Variants in MICU1 observed in about 807,000 individuals in gnomAD.
The protein encoded by MICU1 is mitochondrial calcium uptake 1, also known as calcium uptake protein 1, mitochondrial.
In MICU1, 45 loss-of-function variants were observed where a neutral mutation model predicts 56.8. The observed-to-expected ratio is 0.79, with a 90% CI of 0.62 to 1.02. MICU1 has a LOEUF of 1.02. Ranked by LOEUF, MICU1 falls within the 50% of genes least tolerant of loss-of-function variation. MICU1 has a pLI of 0.00. For missense variants in MICU1, 504 were observed against 587.1 expected, an observed-to-expected ratio of 0.86 and a Z score of 1.46; for synonymous variants, 186 against 195.1, an observed-to-expected ratio of 0.95 and a Z score of 0.39.
intron 2 of MICU1, among the ~76,000 whole-genome samples, chr10:72,565,256 T>C (rs958148566): frequency 6.6e-5 from 10 of 151,818 alleles, no homozygotes; most frequent in Admixed American, 6.6e-4. Context: ...CCAACAATGA[T>C]AGACTGGATT....
chr10:72,499,924 A>G (rs2132324117), intron 6 of MICU1, among the ~76,000 whole-genome samples: 1 of 152,296 alleles, frequency 6.6e-6, no homozygotes, highest in Middle Eastern at 3.4e-3. Context: ...AAGATATTAC[A>G]CAACTTCACT....
intron 10 of MICU1, among the ~76,000 whole-genome samples, chr10:72,394,603 G>A (rs1244578059): frequency 1.3e-5 from 2 of 151,568 alleles, no homozygotes; most frequent in African/African-American, 4.8e-5. Flanking sequence ...TCCAGTCTAG[G>A]TGACAAAGAC....
At chr10:72,388,176 C>G (rs1246728298) in intron 10 of MICU1, among the ~76,000 whole-genome samples, 1 of 152,180 alleles carries the variant, frequency 6.6e-6, no homozygotes, top group East Asian at 1.9e-4. Flanking sequence ...GATGTTAGAA[C>G]AGTATCTAAA....
chr10:72,602,547 C>A (rs187557800), intron 1 of MICU1, among the ~76,000 whole-genome samples: 20 of 152,108 alleles, frequency 1.3e-4, no homozygotes, highest in African/African-American at 4.3e-4. Context: ...GGATACAATA[C>A]GCTTTGTCTG....
chr10:72,557,581 C>T lies in MICU1; in HGVS notation c.330+5314G>A, dbSNP rs528545565. Among the ~76,000 whole-genome samples the T allele has an allele frequency of 3.9e-5, 6 of 152,244 alleles. No individual in the cohort carries two copies. The East Asian group carries it at 1.2e-3, about 29-fold the overall frequency. On this transcript the variant is annotated intron_variant, in intron 3 of 11. Transcript: ENST00000361114. Reference sequence around the variant, plus strand: ...CAGAAGACATAATGTTAAAAGAATGCAGTATAAGGAGCAAGAGTTTTTACG... The same window carrying T: ...CAGAAGACATAATGTTAAAAGAATGTAGTATAAGGAGCAAGAGTTTTTACG...
chr10:72,378,934 C>T (rs138087000), intron 10 of MICU1, among the ~76,000 whole-genome samples: 2,161 of 152,220 alleles, frequency 0.014, 44 homozygotes, highest in African/African-American at 0.048. Flanking sequence ...CATCTTTTCT[C>T]CCAGGATCTG....
chr10:72,368,064 C>A lies in MICU1; in HGVS notation c.*131G>T, dbSNP rs1020644487. Reference sequence around the variant, plus strand: ...GGGAAGGGTAAAGAGGGGAAACCGACAGAGTCCTGAGGTCATCCCGGGAGG... The same window carrying A: ...GGGAAGGGTAAAGAGGGGAAACCGAAAGAGTCCTGAGGTCATCCCGGGAGG... On this transcript the variant is annotated 3_prime_UTR_variant, in exon 12 of 12. Coordinates refer to ENST00000361114, the MANE Select transcript of MICU1 (RefSeq NM_001195518.2). 24 of 973,544 alleles carry A rather than the reference C, an allele frequency of 2.5e-5. No homozygotes were observed. The East Asian group carries it at 6.4e-4, about 26-fold the overall frequency. 60.3% of individuals were successfully genotyped at this position (973,544 alleles called of 1,614,324 possible). A position where few individuals can be genotyped will look rare whatever the true frequency, so the allele number is the denominator to read the frequency against.
At chr10:72,417,584 T>C (rs1864024863) in intron 9 of MICU1, among the ~76,000 whole-genome samples, 2 of 152,246 alleles carry the variant, frequency 1.3e-5, no homozygotes, top group African/African-American at 4.8e-5. Flanking sequence ...ATTTCATCCT[T>C]AAGAAGTTAC....
intron 6 of MICU1, among the ~76,000 whole-genome samples, chr10:72,493,274 T>C (rs1217145805): frequency 2.0e-5 from 3 of 152,182 alleles, no homozygotes; most frequent in African/African-American, 4.8e-5. Flanking sequence ...TAGGTATGTT[T>C]TGAGTCATCA....
intron 10 of MICU1, among the ~76,000 whole-genome samples, chr10:72,398,468 CA>C (rs1048855255): frequency 6.8e-6 from 1 of 146,988 alleles, no homozygotes; most frequent in East Asian, 2.0e-4. Flanking sequence ...GATAGAGACA[CA>C]AAAAAAACCC....
chr10:72,406,142 G>T (rs1476873893), intron 10 of MICU1, among the ~76,000 whole-genome samples: 1 of 151,948 alleles, frequency 6.6e-6, no homozygotes, highest in Non-Finnish European at 1.5e-5. Context: ...CAAAATTACA[G>T]AATATAAAGT....
intron 8 of MICU1, among the ~76,000 whole-genome samples, chr10:72,455,801 A>G (rs1393842842): frequency 6.6e-6 from 1 of 151,918 alleles, no homozygotes; most frequent in Non-Finnish European, 1.5e-5. Context: ...TAGGGACTAA[A>G]CCTCTATATC....
intron 1 of MICU1, among the ~76,000 whole-genome samples, chr10:72,576,168 C>T (rs1051118257): frequency 5.0e-5 from 7 of 140,060 alleles, no homozygotes; most frequent in Non-Finnish European, 7.6e-5. Flanking sequence ...GAGCTGAGAT[C>T]GTGCCACTGC....
chr10:72,583,784 T>C (rs1840970760), intron 1 of MICU1, among the ~76,000 whole-genome samples: 1 of 152,186 alleles, frequency 6.6e-6, no homozygotes, highest in Non-Finnish European at 1.5e-5. Flanking sequence ...GAAATGAATA[T>C]TTCAAGTTCT....
intron 4 of MICU1, among the ~76,000 whole-genome samples, chr10:72,534,033 A>T (rs1374524825): frequency 6.6e-6 from 1 of 152,136 alleles, no homozygotes; most frequent in East Asian, 1.9e-4. Context: ...GTGCAAACCT[A>T]TTCAACAGTA....
intron 4 of MICU1, among the ~76,000 whole-genome samples, chr10:72,540,267 C>CAAAAAAAAAAAAAAAAA (rs11287541): frequency 1.2e-5 from 1 of 85,464 alleles, no homozygotes; most frequent in Non-Finnish European, 2.3e-5. Flanking sequence ...AACTCCATCT[C>CAAAAAAAAAAAAAAAAA]AAAAAAAAAA....
intron 10 of MICU1, among the ~76,000 whole-genome samples, chr10:72,402,327 G>A (rs1218453090): frequency 6.6e-6 from 1 of 152,088 alleles, no homozygotes; most frequent in African/African-American, 2.4e-5. Flanking sequence ...CTGACTAGCT[G>A]CCTTACCTGT....
intron 1 of MICU1, among the ~76,000 whole-genome samples, chr10:72,602,304 A>G (rs1841560798): frequency 6.6e-6 from 1 of 151,782 alleles, no homozygotes; most frequent in Non-Finnish European, 1.5e-5. Flanking sequence ...TACAAAAATT[A>G]GCCGAGTGTG....
chr10:72,439,036 C>A (rs1015374986), intron 8 of MICU1, among the ~76,000 whole-genome samples: 53 of 152,162 alleles, frequency 3.5e-4, no homozygotes, highest in Non-Finnish European at 7.2e-4. Flanking sequence ...GGGAATCCTC[C>A]CTAACTCATT....
Sources: gnomAD v4.1 joint callset for allele counts (sites outside exome capture counted in the v4.1 genomes callset) on GRCh38, gnomAD v4.1.1 for gene constraint, MANE v1.5 for transcripts, NCBI Gene and HGNC (gene_info 2026-07-23, HGNC 2026-07-21) for gene names.